The following IL17RD variants were observed in gnomAD, a reference collection of about 807,000 sequenced individuals.
IL17RD encodes interleukin 17 receptor D.
Under a neutral mutation model 80.5 loss-of-function variants are expected in IL17RD, and 52 were observed. That is an observed-to-expected ratio of 0.65 (90% confidence interval 0.52 to 0.81). IL17RD has a LOEUF of 0.81. Among genes scored for constraint, IL17RD ranks in the 40% least tolerant of loss-of-function variants. The probability of loss-of-function intolerance (pLI) is 0.00; values close to 1 mark genes in which losing one functional copy is unlikely to be tolerated. For missense variants in IL17RD, 1,024 were observed against 955.1 expected, an observed-to-expected ratio of 1.07 and a Z score of -0.95; for synonymous variants, 416 against 391.8, an observed-to-expected ratio of 1.06 and a Z score of -0.73.
chr3:57,115,299 G>C (rs1707192090), intron 2 of IL17RD, among the ~76,000 whole-genome samples: 1 of 152,156 alleles, frequency 6.6e-6, no homozygotes, highest in Non-Finnish European at 1.5e-5. Flanking sequence ...ATAGGGGAGA[G>C]ATTCTCAGCA....
In IL17RD at chr3:57,096,427, T is replaced by C. The variant is rs559484759; in HGVS notation, c.2186A>G (p.Tyr729Cys). The C allele has an allele frequency of 2.5e-5, 40 of 1,613,950 alleles. No individual in the cohort carries two copies. Among genetic ancestry groups the C allele is most frequent in the Non-Finnish European group, 3.2e-5 (38 of 1,179,838 alleles). ...GGCGACCGCGTGGAGTTCATCAGTGTAGCTGCGGCAACCAAGATCTGCTTT... is the reference window on the plus strand; with the variant it reads ...GGCGACCGCGTGGAGTTCATCAGTGCAGCTGCGGCAACCAAGATCTGCTTT... ...SCKADLGCRS[Y>C]TDELHAVAPL Residue 729 changes from tyrosine (Y) to cysteine (C), a missense_variant, in exon 13 of 13, where the codon TAC becomes TGC. Coordinates refer to ENST00000296318, the MANE Select transcript of IL17RD (RefSeq NM_017563.5).
chr3:57,120,494 G>A (rs1707311540), intron 1 of IL17RD, among the ~76,000 whole-genome samples, 181 bp from the exon 2 acceptor site: 1 of 152,206 alleles, frequency 6.6e-6, no homozygotes, highest in Non-Finnish European at 1.5e-5. Flanking sequence ...ACTCCCGCCA[G>A]CCCAGGAGAT....
rs774271460 is a variant in IL17RD at position 57,098,401 on chromosome 3, G to A, written c.1302C>T (p.Asn434=). The change falls in exon 12 of 13, where the codon AAC becomes AAT. Residue 434 remains asparagine, a synonymous_variant. Transcript: ENST00000296318. ...KGMKYFVDKK[N]YKHKGGGRGS... is the part of the protein sequence containing the mutation. ...CTCGGCCACCTCCTTTGTGTTTGTA[G>A]TTCTTCTTGTCCACAAAGTACTTCA... 2 of 1,613,856 alleles carry A rather than the reference G, an allele frequency of 1.2e-6. No homozygotes were observed. The highest frequency in any genetic ancestry group is 2.7e-5 in the African/African-American group (2 of 74,902).
intron 2 of IL17RD, among the ~76,000 whole-genome samples, chr3:57,117,683 C>T (rs1000842439): frequency 6.6e-6 from 1 of 152,132 alleles, no homozygotes; most frequent in African/African-American, 2.4e-5. Context: ...AGTAACCAGT[C>T]AACTGAGCAG....
chr3:57,147,687 A>G (rs1302008405), intron 1 of IL17RD, among the ~76,000 whole-genome samples: 1 of 152,200 alleles, frequency 6.6e-6, no homozygotes, highest in East Asian at 1.9e-4. Flanking sequence ...AGGGGAGGGG[A>G]GCTTACTACA....
chr3:57,098,183 A>T lies in IL17RD; in HGVS notation c.1520T>A (p.Leu507His). Residue 507 changes from leucine to histidine, a missense_variant, in exon 12 of 13, where the codon CTC becomes CAC. Transcript: ENST00000296318. The stretch of plus-strand genomic sequence containing the variant: ...GTCTCGGGAGTGCAAGTGGGAACAG[A>T]GCTGAGGAAGATTGTCCATGAGTCT... ...KYRLMDNLPQ[L>H]CSHLHSRDHG... The T allele has an allele frequency of 6.2e-7, 1 of 1,613,908 alleles. No individual in the cohort carries two copies. Among genetic ancestry groups the T allele is most frequent in the Non-Finnish European group, 8.5e-7 (1 of 1,179,854 alleles).
Position 57,097,976 on chromosome 3 carries a change from T to C in IL17RD, c.1727A>G (p.Glu576Gly). The change falls in exon 12 of 13, where the codon GAG (glutamate) becomes GGG (glycine). Residue 576 changes from glutamate (E) to glycine (G), a missense_variant. Glu to Gly is a moderately conservative substitution (Grantham distance 98). Transcript: ENST00000296318. ...CGAATCAAATTTCTCCAAGACTGGC[T>C]CCCGGTAGCGCAGTGGAGGAGGATG... ...PFHPPPLRYR[E>G]PVLEKFDSGL... The C allele has an allele frequency of 1.2e-6, 2 of 1,613,968 alleles. No individual in the cohort carries two copies. The highest frequency in any genetic ancestry group is 2.7e-5 in the African/African-American group (2 of 75,042).
In IL17RD at chr3:57,097,781, G is replaced by T; in HGVS notation, c.1922C>A (p.Ala641Asp). ...CGTGTGCAGCAGGGGTTGCAGGGCG[G>T]CGCTACCGTCAAGGGCAGGCCGGGC... ...GEARPALDGS[A>D]ALQPLLHTVK... Residue 641 changes from alanine (A) to aspartate (D), a missense_variant, in exon 12 of 13, where the codon GCC (alanine) becomes GAC (aspartate). Coordinates refer to ENST00000296318, the MANE Select transcript of IL17RD (RefSeq NM_017563.5). 6.2e-7 allele frequency: 1 copy of T among 1,603,090 alleles called. No homozygotes were observed. Among genetic ancestry groups the T allele is most frequent in the African/African-American group, 1.3e-5 (1 of 74,862 alleles).
At chr3:57,104,511 CCA>C in intron 7 of IL17RD, 104 bp from the exon 8 acceptor site, 1 of 712,476 alleles carries the variant, frequency 1.4e-6, no homozygotes, top group Non-Finnish European at 2.4e-6. Flanking sequence ...CCAGTCTCAA[CCA>C]CAGTTTTCAG....
In IL17RD at chr3:57,097,781, G is replaced by A. The variant is rs1208365503; in HGVS notation, c.1922C>T (p.Ala641Val). Reference sequence around the variant, plus strand: ...CGTGTGCAGCAGGGGTTGCAGGGCGGCGCTACCGTCAAGGGCAGGCCGGGC... The same window carrying A: ...CGTGTGCAGCAGGGGTTGCAGGGCGACGCTACCGTCAAGGGCAGGCCGGGC... ...GEARPALDGSAALQPLLHTVK... is the reference protein window; with the variant it reads ...GEARPALDGSVALQPLLHTVK... The change falls in exon 12 of 13, where the codon GCC (alanine) becomes GTC (valine). Residue 641 changes from alanine (A) to valine (V), a missense_variant. Physicochemically the swap from Ala to Val is moderately conservative, Grantham distance 64. Transcript: ENST00000296318. The A allele has an allele frequency of 5.6e-6, 9 of 1,603,090 alleles. No homozygotes were observed. The highest frequency in any genetic ancestry group is 6.8e-6 in the Non-Finnish European group (8 of 1,174,530).
At chr3:57,145,935 A>G (rs1707915677) in intron 1 of IL17RD, among the ~76,000 whole-genome samples, 3 of 152,108 alleles carry the variant, frequency 2.0e-5, no homozygotes. Context: ...ATTTTTTTTA[A>G]ACTCCAATAA....
At position 57,093,886 on chromosome 3, in the gene IL17RD, C is replaced by A. The variant is rs1706611269; in HGVS notation, c.*2507G>T. 6.6e-6 allele frequency: 1 copy of A among 152,220 alleles called. No homozygotes were observed. Among genetic ancestry groups the A allele is most frequent in the Admixed American group, 6.5e-5 (1 of 15,278 alleles). The allele number at this position is 152,220 out of a possible 1,614,324, so 9.4% of individuals were successfully genotyped here. On this transcript the variant is annotated 3_prime_UTR_variant, in exon 13 of 13. Transcript: ENST00000296318. The stretch of plus-strand genomic sequence containing the variant: ...GGTAAGTTAAGATGAACAACTAGCA[C>A]TCTACCTTCAGCTACCCGCAGGCTT...
In IL17RD at chr3:57,131,654, G is replaced by A. The variant is rs557837770; in HGVS notation, c.127-11341C>T. ...CTCTTGGCAATACTATCACCACCAA[G>A]GCCAAAATCACTTTGCTCTCATTTA... On this transcript the variant is annotated intron_variant, in intron 1 of 12. Coordinates refer to ENST00000296318, the MANE Select transcript of IL17RD (RefSeq NM_017563.5). Among the ~76,000 whole-genome samples the A allele has an allele frequency of 3.9e-5, 6 of 152,306 alleles. No individual in the cohort carries two copies. The South Asian group carries it at 1.2e-3, about 32-fold the overall frequency.
chr3:57,138,940 A>C (rs1707779745), intron 1 of IL17RD, among the ~76,000 whole-genome samples: 9 of 123,092 alleles, frequency 7.3e-5, no homozygotes, highest in Admixed American at 6.9e-4. Context: ...ACTCCATCTC[A>C]AAAAAAAAAA....
At chr3:57,122,801 G>T (rs1707370100) in intron 1 of IL17RD, among the ~76,000 whole-genome samples, 1 of 141,536 alleles carries the variant, frequency 7.1e-6, no homozygotes, top group East Asian at 2.0e-4. Flanking sequence ...GTGGTTTTGA[G>T]GAAGATCAAA....
chr3:57,105,529 T>C (rs1371623326), intron 7 of IL17RD, among the ~76,000 whole-genome samples: 2 of 15,982 alleles, frequency 1.3e-4, no homozygotes, highest in Admixed American at 5.7e-4. Flanking sequence ...AGAGCAAGAC[T>C]CCATCTCAAA....
At position 57,165,340 on chromosome 3, in the gene IL17RD, G is replaced by C; in HGVS notation, c.-54C>G. 1 of 1,243,522 alleles carries C rather than the reference G, an allele frequency of 8.0e-7. No individual in the cohort carries two copies. Among genetic ancestry groups the C allele is most frequent in the Non-Finnish European group, 1.0e-6 (1 of 989,992 alleles). The allele number at this position is 1,243,522 out of a possible 1,614,324, so 77.0% of individuals were successfully genotyped here. A position where few individuals can be genotyped will look rare whatever the true frequency, so the allele number is the denominator to read the frequency against. ...CTCTGCGCCCCGGCCGCCCGCCGCT[G>C]GCCAGCCCCGAGTGGGCGGTGGCCG... On this transcript the variant is annotated 5_prime_UTR_variant, in exon 1 of 13. Coordinates refer to ENST00000296318, the MANE Select transcript of IL17RD (RefSeq NM_017563.5).
intron 1 of IL17RD, among the ~76,000 whole-genome samples, chr3:57,164,260 C>CT: frequency 6.6e-6 from 1 of 152,200 alleles, no homozygotes; most frequent in South Asian, 2.1e-4. Context: ...CGGTGGGAGA[C>CT]TCGGGGCAGA....
In IL17RD at chr3:57,098,321, A is replaced by G. The variant is rs1477972264; in HGVS notation, c.1382T>C (p.Leu461Pro). The change falls in exon 12 of 13, where the codon CTC becomes CCC. Residue 461 changes from leucine to proline, a missense_variant. Transcript: ENST00000296318. The stretch of plus-strand genomic sequence containing the variant: ...GGACGAACTCTGCTTGGCCTGGCGG[A>G]GCTTTTCGGCAATGGCTGACACCGC... Reference protein sequence around the residue: ...LVAVSAIAEKLRQAKQSSSAA... With the variant: ...LVAVSAIAEKPRQAKQSSSAA... 3 of 1,613,792 alleles carry G rather than the reference A, an allele frequency of 1.9e-6. No individual in the cohort carries two copies. The highest frequency in any genetic ancestry group is 2.5e-6 in the Non-Finnish European group (3 of 1,179,902).
Sources: allele counts gnomAD v4.1 joint callset (sites outside exome capture counted in the v4.1 genomes callset), GRCh38; gene constraint gnomAD v4.1.1; transcripts MANE v1.5; gene names NCBI Gene and HGNC (gene_info 2026-07-23, HGNC 2026-07-21).